The following TTC39B variants were observed in gnomAD, a reference collection of about 807,000 sequenced individuals.
The protein encoded by TTC39B is tetratricopeptide repeat domain 39B, also known as tetratricopeptide repeat protein 39B.
A neutral mutation model predicts 96.6 loss-of-function variants in TTC39B; 92 were observed. That is an observed-to-expected ratio of 0.95 (90% CI 0.80 to 1.13). The LOEUF (loss-of-function observed/expected upper bound fraction) is 1.13, where lower values mean the gene tolerates loss of function less well. Among genes scored for constraint, TTC39B ranks in the 50% most tolerant of loss-of-function variants. TTC39B has a pLI of 0.00. For missense variants in TTC39B, 955 were observed against 809.3 expected (o/e 1.18, Z -2.18); for synonymous variants, 367 against 299.4 (o/e 1.23, Z -2.33).
intron 18 of TTC39B, among the ~76,000 whole-genome samples, chr9:15,176,381 T>C (rs1217054328): frequency 1.3e-5 from 2 of 152,232 alleles, no homozygotes; most frequent in Non-Finnish European, 2.9e-5. Context: ...TTCTTTAACA[T>C]GTTTACTAAT....
intron 1 of TTC39B, among the ~76,000 whole-genome samples, chr9:15,278,701 T>G (rs77693841): frequency 0.045 from 6,826 of 152,312 alleles, 182 homozygotes; most frequent in African/African-American, 0.056. Flanking sequence ...GAACAGAACT[T>G]TACACAGTTT....
intron 1 of TTC39B, among the ~76,000 whole-genome samples, chr9:15,281,799 C>G (rs1159517439): frequency 1.3e-5 from 2 of 151,946 alleles, no homozygotes; most frequent in Non-Finnish European, 2.9e-5. Flanking sequence ...CTTCAGCTTC[C>G]CTGAGTAGCA....
At chr9:15,203,835 G>C (rs1819686524) in exon 7 of TTC39B, 1 of 1,612,354 alleles carries the variant, frequency 6.2e-7, no homozygotes, top group Admixed American at 1.7e-5. Flanking sequence ...GCACAAACGT[G>C]AGTGCAGCTT....
intron 2 of TTC39B, among the ~76,000 whole-genome samples, chr9:15,256,722 C>A (rs1210412136): frequency 6.6e-6 from 1 of 152,086 alleles, no homozygotes; most frequent in East Asian, 1.9e-4. Flanking sequence ...CAGCAAAAAG[C>A]CCTCAAAAGA....
At chr9:15,263,105 T>C (rs947503991) in intron 2 of TTC39B, among the ~76,000 whole-genome samples, 1 of 152,194 alleles carries the variant, frequency 6.6e-6, no homozygotes, top group Non-Finnish European at 1.5e-5. Flanking sequence ...CTCCTGTGTC[T>C]CCAGCTTGCC....
intron 1 of TTC39B, among the ~76,000 whole-genome samples, chr9:15,281,897 C>T (rs1429732655): frequency 6.6e-6 from 1 of 152,054 alleles, no homozygotes; most frequent in Non-Finnish European, 1.5e-5. Flanking sequence ...AGGCTGGTCT[C>T]AAACTCCTGA....
intron 2 of TTC39B, among the ~76,000 whole-genome samples, chr9:15,246,030 G>C (rs1384583763): frequency 3.9e-5 from 6 of 152,184 alleles, no homozygotes; most frequent in Admixed American, 3.9e-4. Context: ...CAGGCGGGCA[G>C]ATCACCTGAG....
chr9:15,198,384 G>A (rs189605476), intron 8 of TTC39B, among the ~76,000 whole-genome samples: 72 of 151,466 alleles, frequency 4.8e-4, no homozygotes, highest in African/African-American at 1.7e-3. Flanking sequence ...TTGAACCCAG[G>A]AGGCAGAGGT....
In TTC39B at chr9:15,306,184, C is replaced by A. The variant is rs1272103436; in HGVS notation, c.240+900G>T. Among the ~76,000 whole-genome samples the A allele has an allele frequency of 6.6e-6, 1 of 152,202 alleles. No homozygotes were observed. The highest frequency in any genetic ancestry group is 2.4e-5 in the African/African-American group (1 of 41,448). On this transcript the variant is annotated intron_variant, in intron 1 of 19. Transcript: ENST00000512701. The surrounding 1 kb of genome is among the most constrained non-coding windows in gnomAD (Gnocchi z 5.1). ...GCACAATTCAAGTCAGGTAAGATGG[C>A]AGGAACAGCAGCTGTGGGTGCTGGC... is the stretch of plus-strand genomic sequence containing the variant.
intron 2 of TTC39B, among the ~76,000 whole-genome samples, chr9:15,237,686 T>C (rs1038592393): frequency 3.4e-5 from 5 of 147,424 alleles, no homozygotes; most frequent in Admixed American, 3.4e-4. Context: ...CAGGACCAGA[T>C]GCATTCACAG....
At chr9:15,193,114 G>A (rs954219128) in intron 8 of TTC39B, among the ~76,000 whole-genome samples, 1 of 152,234 alleles carries the variant, frequency 6.6e-6, no homozygotes, top group Non-Finnish European at 1.5e-5. Context: ...GAATTTCAGT[G>A]TGACTGCCAT....
Position 15,182,424 on chromosome 9 carries a change from G to T in TTC39B, c.1615-9C>A, listed in dbSNP as rs767147381. On this transcript the variant is annotated splice_polypyrimidine_tract_variant and intron_variant, in intron 16 of 19. Transcript: ENST00000512701. ...CAGACATACATCATTTCCTAATGAG[G>T]AAAAATGAAAACCATTTGCAGTTAT... 16 of 1,580,228 alleles carry T rather than the reference G, an allele frequency of 1.0e-5. No individual in the cohort carries two copies. In the South Asian group the frequency reaches 1.7e-4, roughly 17 times the overall value.
At chr9:15,282,631 A>G (rs567011190) in intron 1 of TTC39B, among the ~76,000 whole-genome samples, 2 of 152,346 alleles carry the variant, frequency 1.3e-5, no homozygotes, top group Non-Finnish European at 2.9e-5. Flanking sequence ...CACACCCTCT[A>G]CAACACTCTA....
chr9:15,197,527 C>A (rs1397515411), intron 8 of TTC39B, among the ~76,000 whole-genome samples: 1 of 151,724 alleles, frequency 6.6e-6, no homozygotes, highest in Non-Finnish European at 1.5e-5. Context: ...GTAACTATTA[C>A]AAATTGTGGA....
rs1404730390 is a variant in TTC39B at position 15,229,439 on chromosome 9, C to A, written c.276-3427G>T. On this transcript the variant is annotated intron_variant, in intron 2 of 19. Transcript: ENST00000512701. ...CCTATACTCTGTAAAATTATGTTAA[C>A]TTGTAGATTTTTTAATCTGGTAGAT... Among the ~76,000 whole-genome samples the A allele has an allele frequency of 2.6e-5, 4 of 152,304 alleles. No individual in the cohort carries two copies. In the East Asian group the frequency reaches 5.8e-4, roughly 22 times the overall value.
chr9:15,188,695 C>A (rs528907198), intron 13 of TTC39B, among the ~76,000 whole-genome samples: 17 of 151,226 alleles, frequency 1.1e-4, no homozygotes, highest in Non-Finnish European at 2.1e-4. Flanking sequence ...TTAGCCATCA[C>A]GTAATGTCCT....
At chr9:15,203,422 T>A (rs901088186) in intron 7 of TTC39B, among the ~76,000 whole-genome samples, 16 of 151,556 alleles carry the variant, frequency 1.1e-4, no homozygotes, top group African/African-American at 3.9e-4. Flanking sequence ...GGCTAATTTT[T>A]TTTTTTTTTT....
chr9:15,181,119 A>C (rs1368964654), intron 17 of TTC39B, among the ~76,000 whole-genome samples: 1 of 152,114 alleles, frequency 6.6e-6, no homozygotes, highest in East Asian at 1.9e-4. Flanking sequence ...GCCCCCAACC[A>C]ATGGGGGGCT....
At chr9:15,273,101 G>A (rs1310969264) in intron 1 of TTC39B, among the ~76,000 whole-genome samples, 3 of 152,192 alleles carry the variant, frequency 2.0e-5, no homozygotes, top group Non-Finnish European at 4.4e-5. Flanking sequence ...ATGCATGCAA[G>A]AACATTTGAG....
Sources: gnomAD v4.1 joint callset for allele counts (sites outside exome capture counted in the v4.1 genomes callset) on GRCh38, gnomAD v4.1.1 for gene constraint, Gnocchi (gnomAD v3.1) non-coding constraint, MANE v1.5 for transcripts, NCBI Gene and HGNC (gene_info 2026-07-23, HGNC 2026-07-21) for gene names.